The following SLC1A1 variants were observed in gnomAD, a reference collection of about 807,000 sequenced individuals.
SLC1A1 encodes the protein excitatory amino acid transporter 3.
SLC1A1 carries 43 observed loss-of-function variants against 53.3 expected under a neutral mutation model. The ratio of observed to expected loss-of-function variants is 0.81; its 90% CI spans 0.63 to 1.04. The LOEUF is 1.04. Among genes scored for constraint, SLC1A1 ranks in the 50% least tolerant of loss-of-function variants. SLC1A1 has a pLI of 0.00. For missense variants in SLC1A1, 748 were observed against 664.9 expected (o/e 1.12, Z -1.37); for synonymous variants, 307 against 243.2 (o/e 1.26, Z -2.44).
At chr9:4,520,184 T>C (rs1816017779) in intron 1 of SLC1A1, among the ~76,000 whole-genome samples, 1 of 152,188 alleles carries the variant, frequency 6.6e-6, no homozygotes, top group African/African-American at 2.4e-5. Context: ...AATTGTTATT[T>C]CCAGACGGTG....
intron 1 of SLC1A1, among the ~76,000 whole-genome samples, chr9:4,497,355 G>A (rs950712183): frequency 6.6e-6 from 1 of 152,108 alleles, no homozygotes; most frequent in African/African-American, 2.4e-5. Context: ...CTCTCCCGCT[G>A]CTGTGTGATA....
chr9:4,556,300 G>T lies in SLC1A1; in HGVS notation c.233-5149G>T, dbSNP rs998203595. ...CTCCCAAAGTGCTGGGATTACCGGC[G>T]TGAGCCACTACGCCCCGCCCCTATC... On this transcript the variant is annotated intron_variant, in intron 2 of 11. Transcript: ENST00000262352. This position sits in a 1 kb window ranked among gnomAD's most constrained non-coding sequence, Gnocchi z 4.1. Among the ~76,000 whole-genome samples, 1 of 152,136 alleles carries T rather than the reference G, an allele frequency of 6.6e-6. No homozygotes were observed.
At position 4,561,518 on chromosome 9, in the gene SLC1A1, C is replaced by G. The variant is rs541241998; in HGVS notation, c.302C>G (p.Thr101Ser). ...GLRAVVYYFC[T>S]TLIAVILGIV... Reference sequence around the variant, plus strand: ...CGCGCTGTCGTGTATTATTTCTGTACCACTCTCATTGCTGTTATTCTAGGT... The same window carrying G: ...CGCGCTGTCGTGTATTATTTCTGTAGCACTCTCATTGCTGTTATTCTAGGT... Residue 101 changes from threonine (T) to serine (S), a missense_variant, in exon 3 of 12, where the codon ACC (threonine) becomes AGC (serine). Thr to Ser is a moderately conservative substitution (Grantham distance 58). Coordinates refer to ENST00000262352, the MANE Select transcript of SLC1A1 (RefSeq NM_004170.6). 1.3e-6 allele frequency: 2 copies of G among 1,596,482 alleles called. No individual in the cohort carries two copies. The highest frequency in any genetic ancestry group is 1.1e-5 in the South Asian group (1 of 90,742).
chr9:4,527,398 A>C (rs916425240), intron 1 of SLC1A1, among the ~76,000 whole-genome samples: 4 of 152,190 alleles, frequency 2.6e-5, no homozygotes, highest in Non-Finnish European at 5.9e-5. Flanking sequence ...CAGCAATAGA[A>C]AACTAATGCA....
intron 1 of SLC1A1, among the ~76,000 whole-genome samples, chr9:4,528,701 T>G (rs939879510): frequency 8.5e-5 from 13 of 152,070 alleles, no homozygotes; most frequent in African/African-American, 2.9e-4. Context: ...ATACCAGAGG[T>G]TTGATAAATT....
At chr9:4,509,269 G>A (rs1820911603) in intron 1 of SLC1A1, among the ~76,000 whole-genome samples, 1 of 152,210 alleles carries the variant, frequency 6.6e-6, no homozygotes, top group Non-Finnish European at 1.5e-5. Flanking sequence ...AGAAGGACAT[G>A]CAGGCCTGTA....
chr9:4,543,932 A>C (rs1817232484), intron 1 of SLC1A1, among the ~76,000 whole-genome samples: 1 of 152,224 alleles, frequency 6.6e-6, no homozygotes, highest in African/African-American at 2.4e-5. Context: ...TAATCCCAGC[A>C]CTTTCGGAAG....
At position 4,490,629 on chromosome 9, in the gene SLC1A1, C is replaced by T. The variant is rs761973637; in HGVS notation, c.-51C>T. On this transcript the variant is annotated 5_prime_UTR_variant, in exon 1 of 12. Coordinates refer to ENST00000262352, the MANE Select transcript of SLC1A1 (RefSeq NM_004170.6). ...CGAGCAGCCAGCAGTCCCCGGGTCG[C>T]CCAGCCCACGCGCGCACGGCCGAGC... 1.3e-6 allele frequency: 2 copies of T among 1,522,446 alleles called. No homozygotes were observed. The highest frequency in any genetic ancestry group is 1.8e-4 in the Middle Eastern group (1 of 5,632). 94.3% of individuals were successfully genotyped at this position (1,522,446 alleles called of 1,614,324 possible).
At chr9:4,527,449 T>C (rs554097381) in intron 1 of SLC1A1, among the ~76,000 whole-genome samples, 9 of 152,330 alleles carry the variant, frequency 5.9e-5, no homozygotes, top group African/African-American at 1.7e-4. Context: ...AGTTTGTAAA[T>C]TGACATGCTA....
intron 5 of SLC1A1, among the ~76,000 whole-genome samples, chr9:4,567,152 C>T (rs1474209674): frequency 6.6e-6 from 1 of 152,200 alleles, no homozygotes; most frequent in African/African-American, 2.4e-5. Context: ...GAAGAGAATT[C>T]AACTGCAGTC....
chr9:4,559,842 A>C (rs1818761804), intron 2 of SLC1A1: 4 of 152,234 alleles, frequency 2.6e-5, no homozygotes, highest in Admixed American at 2.0e-4. Flanking sequence ...AAGATGATTC[A>C]GTTGTTTCTC....
chr9:4,550,651 A>G (rs1349115867), intron 2 of SLC1A1, among the ~76,000 whole-genome samples: 1 of 152,172 alleles, frequency 6.6e-6, no homozygotes, highest in Non-Finnish European at 1.5e-5. Flanking sequence ...TTGGCTTCCC[A>G]AACTGCTGTG....
chr9:4,566,962 C>A (rs1296568257), intron 5 of SLC1A1, among the ~76,000 whole-genome samples: 4 of 152,156 alleles, frequency 2.6e-5, no homozygotes, highest in Admixed American at 2.6e-4. Context: ...CCGGCCTCCA[C>A]GAGGGACAGA....
chr9:4,491,835 C>G (rs1820246554), intron 1 of SLC1A1, among the ~76,000 whole-genome samples: 1 of 152,196 alleles, frequency 6.6e-6, no homozygotes, highest in Admixed American at 6.5e-5. Context: ...CAGCTTGTTT[C>G]CTCCCAACCT....
At chr9:4,558,552 C>T (rs1456419159) in intron 2 of SLC1A1, among the ~76,000 whole-genome samples, 2 of 152,166 alleles carry the variant, frequency 1.3e-5, no homozygotes, top group Non-Finnish European at 1.5e-5. Flanking sequence ...AAGATATTTT[C>T]ACCAAGATCT....
chr9:4,541,162 C>T (rs1816971250), intron 1 of SLC1A1, among the ~76,000 whole-genome samples: 3 of 152,144 alleles, frequency 2.0e-5, no homozygotes, highest in South Asian at 2.1e-4. Context: ...CCTGCTACAC[C>T]GTTCAGGGAA....
At chr9:4,521,367 G>A (rs370510698) in intron 1 of SLC1A1, among the ~76,000 whole-genome samples, 20 of 152,162 alleles carry the variant, frequency 1.3e-4, no homozygotes, top group African/African-American at 4.8e-4. Context: ...TGAGAAGGAA[G>A]CACTTTGTTT....
intron 8 of SLC1A1, 58 bp downstream of exon 8, chr9:4,574,072 T>G: frequency 8.4e-7 from 1 of 1,185,618 alleles, no homozygotes; most frequent in Admixed American, 1.7e-5. Context: ...GGATGGCCGC[T>G]GAGAGGTTGG....
chr9:4,567,547 T>C, intron 5 of SLC1A1, 122 bp from the exon 6 acceptor site: 5 of 704,526 alleles, frequency 7.1e-6, no homozygotes, highest in Middle Eastern at 3.2e-4. Flanking sequence ...ACAGAGGCAT[T>C]GGATGTAGAT....
Sources: gnomAD v4.1 joint callset for allele counts (sites outside exome capture counted in the v4.1 genomes callset) on GRCh38, gnomAD v4.1.1 for gene constraint, Gnocchi (gnomAD v3.1) non-coding constraint, MANE v1.5 for transcripts, NCBI Gene and HGNC (gene_info 2026-07-23, HGNC 2026-07-21) for gene names.